Variants in PCDHGB3 observed in about 807,000 individuals in gnomAD.
PCDHGB3 encodes the protein protocadherin gamma subfamily B, 3.
In PCDHGB3, 40 loss-of-function variants were observed where a neutral mutation model predicts 59.2. The ratio of observed to expected loss-of-function variants is 0.68; its 90% CI spans 0.52 to 0.88. The LOEUF is 0.88. PCDHGB3 is among the 40% of genes least tolerant of loss of function. The probability of loss-of-function intolerance (pLI) is 0.00; values close to 1 mark genes in which losing one functional copy is unlikely to be tolerated. For missense variants in PCDHGB3, 1,309 were observed against 1,187.9 expected (o/e 1.10, Z -1.50); for synonymous variants, 581 against 503.6 (o/e 1.15, Z -2.06).
At position 141,461,300 on chromosome 5, in the gene PCDHGB3, A is replaced by G. The variant is rs889981233; in HGVS notation, c.2416-33507A>G. Among the ~76,000 whole-genome samples, 10 of 152,106 alleles carry G rather than the reference A, an allele frequency of 6.6e-5. No individual in the cohort carries two copies. In the East Asian group the frequency reaches 1.4e-3, roughly 21 times the overall value. On this transcript the variant is annotated intron_variant, in intron 1 of 3. Transcript: ENST00000576222. The stretch of plus-strand genomic sequence containing the variant: ...TTTCCCCACATCCACACCAACATCT[A>G]TTGTTTTTTGACTTTTTAATAATGG...
At chr5:141,390,646 C>G (rs2092199925) in intron 1 of PCDHGB3, 1 of 218,218 alleles carries the variant, frequency 4.6e-6, no homozygotes, top group Non-Finnish European at 9.0e-6. Flanking sequence ...CTTTTTTCAG[C>G]TTGGATATAC....
chr5:141,426,369 A>G, intron 1 of PCDHGB3: 1 of 205,906 alleles, frequency 4.9e-6, no homozygotes, highest in Non-Finnish European at 1.0e-5. Context: ...TCTGCGGGGC[A>G]CCCTCGGAGC....
At position 141,432,325 on chromosome 5, in the gene PCDHGB3, C is replaced by A; in HGVS notation, c.2415+59516C>A. 6.2e-7 allele frequency: 1 copy of A among 1,614,260 alleles called. No individual in the cohort carries two copies. The highest frequency in any genetic ancestry group is 1.1e-5 in the South Asian group (1 of 91,092). On this transcript the variant is annotated intron_variant, in intron 1 of 3. Transcript: ENST00000576222. The surrounding 1 kb of genome is among the most constrained non-coding windows in gnomAD (Gnocchi z 6.0). The stretch of plus-strand genomic sequence containing the variant: ...TGTATGCGCTGAGCTCCTTCGACTA[C>A]GAGCAGTTCCGAGACTTGCAAGTGA...
intron 1 of PCDHGB3, chr5:141,409,837 C>T (rs182654621): frequency 2.2e-5 from 36 of 1,611,350 alleles, no homozygotes; most frequent in Non-Finnish European, 2.9e-5. Context: ...TCAGCGCCAA[C>T]GTGAGCCTGC....
chr5:141,430,889 A>G, intron 1 of PCDHGB3: 1 of 1,605,270 alleles, frequency 6.2e-7, no homozygotes, highest in African/African-American at 1.3e-5. Flanking sequence ...GAAAGGCTCT[A>G]GGGTGGGCGA....
intron 1 of PCDHGB3, chr5:141,374,996 G>A: frequency 1.9e-6 from 3 of 1,614,006 alleles, no homozygotes; most frequent in Non-Finnish European, 2.5e-6. Context: ...TTCAACTTCT[G>A]CAAATCTAGA....
At chr5:141,419,505 G>C in intron 1 of PCDHGB3, 1 of 1,612,324 alleles carries the variant, frequency 6.2e-7, no homozygotes, top group Non-Finnish European at 8.5e-7. Flanking sequence ...GTGAGCCTGC[G>C]CGTGTTGGTG....
In PCDHGB3 at chr5:141,476,516, G is replaced by T. The variant is rs1042414523; in HGVS notation, c.2416-18291G>T. 1 of 1,614,016 alleles carries T rather than the reference G, an allele frequency of 6.2e-7. No individual in the cohort carries two copies. The highest frequency in any genetic ancestry group is 8.5e-7 in the Non-Finnish European group (1 of 1,180,022). ...CCAGGACATCAACGACAACAATCCT[G>T]CTTTCCCTACCCAGGAAATGAAATT... On this transcript the variant is annotated intron_variant, in intron 1 of 3. Transcript: ENST00000576222. The surrounding 1 kb of genome is among the most constrained non-coding windows in gnomAD (Gnocchi z 7.6).
chr5:141,410,518 C>T (rs753664223), intron 1 of PCDHGB3: 1 of 1,613,820 alleles, frequency 6.2e-7, no homozygotes, highest in Non-Finnish European at 8.5e-7. Flanking sequence ...GCAGTGTGCC[C>T]CTACATTCCA....
In PCDHGB3 at chr5:141,432,126, C is replaced by G. The variant is rs750150518; in HGVS notation, c.2415+59317C>G. 12 of 1,614,026 alleles carry G rather than the reference C, an allele frequency of 7.4e-6. No homozygotes were observed. Among genetic ancestry groups the G allele is most frequent in the South Asian group, 4.4e-5 (4 of 91,062 alleles). On this transcript the variant is annotated intron_variant, in intron 1 of 3. Transcript: ENST00000576222. The surrounding 1 kb of genome is among the most constrained non-coding windows in gnomAD (Gnocchi z 6.0). ...AACCCGCCGGTCTTCCCTCAGGCCT[C>G]CTATTCCGCTTATATCCCAGAGAAC...
At chr5:141,376,276 C>T (rs3749771) in intron 1 of PCDHGB3, 1 of 1,614,240 alleles carries the variant, frequency 6.2e-7, no homozygotes, top group Non-Finnish European at 8.5e-7. Context: ...CGGGAGGTGG[C>T]TTAGCGAGCA....
Position 141,372,073 on chromosome 5 carries a change from C to T in PCDHGB3, c.1679C>T (p.Pro560Leu), listed in dbSNP as rs774208540. 6.2e-7 allele frequency: 1 copy of T among 1,613,648 alleles called. No homozygotes were observed. Among genetic ancestry groups the T allele is most frequent in the East Asian group, 2.2e-5 (1 of 44,880 alleles). The change falls in exon 1 of 4, where the codon CCG becomes CTG. Residue 560 changes from proline to leucine, a missense_variant. Pro to Leu is a moderately conservative substitution (Grantham distance 98, BLOSUM62 -3). Coordinates refer to ENST00000576222, the MANE Select transcript of PCDHGB3 (RefSeq NM_018924.5). ...VLVDDRNDNA[P>L]LVLYPALGPE... ...GTGGACGACCGCAACGACAATGCACCGCTGGTGCTGTACCCAGCTCTGGGG... is the reference window on the plus strand; with the variant it reads ...GTGGACGACCGCAACGACAATGCACTGCTGGTGCTGTACCCAGCTCTGGGG...
intron 1 of PCDHGB3, chr5:141,405,031 CGTT>C: frequency 6.2e-7 from 1 of 1,613,968 alleles, no homozygotes; most frequent in Admixed American, 1.7e-5. Flanking sequence ...CCCTCTACCT[CGTT>C]GTGGCTGTGG....
chr5:141,423,095 A>ACG (rs2096709208), intron 1 of PCDHGB3: 4 of 1,613,860 alleles, frequency 2.5e-6, no homozygotes, highest in African/African-American at 2.7e-5. Flanking sequence ...GTGGGGGAGC[A>ACG]CACGGGCGAG....
chr5:141,419,671 G>T (rs532058652), intron 1 of PCDHGB3: 1 of 1,612,894 alleles, frequency 6.2e-7, no homozygotes, highest in East Asian at 2.2e-5. Context: ...ATGCCTGGCT[G>T]TCCTACCACG....
At chr5:141,401,115 G>A (rs923480761) in intron 1 of PCDHGB3, among the ~76,000 whole-genome samples, 8 of 152,092 alleles carry the variant, frequency 5.3e-5, no homozygotes, top group Admixed American at 3.9e-4. Context: ...AGGCCGAGGC[G>A]GTTGGATCAC....
At chr5:141,472,980 C>CAAAAAA (rs60579131) in intron 1 of PCDHGB3, among the ~76,000 whole-genome samples, 7 of 86,100 alleles carry the variant, frequency 8.1e-5, no homozygotes, top group South Asian at 4.3e-4. Context: ...GAGTGAAACT[C>CAAAAAA]AAAAAAAAAA....
intron 1 of PCDHGB3, among the ~76,000 whole-genome samples, chr5:141,439,623 C>T (rs1219064055): frequency 6.6e-6 from 1 of 152,186 alleles, no homozygotes; most frequent in East Asian, 1.9e-4. Context: ...ATGAGCCAAT[C>T]CCCAGACATT....
At chr5:141,404,892 A>T in intron 1 of PCDHGB3, 1 of 1,613,880 alleles carries the variant, frequency 6.2e-7, no homozygotes, top group African/African-American at 1.3e-5. Context: ...GTGGCTGTAC[A>T]GGACCATGGC....
Sources: allele counts gnomAD v4.1 joint callset (sites outside exome capture counted in the v4.1 genomes callset), GRCh38; gene constraint gnomAD v4.1.1; non-coding constraint Gnocchi (gnomAD v3.1); transcripts MANE v1.5; gene names NCBI Gene and HGNC (gene_info 2026-07-23, HGNC 2026-07-21).